Variants in PLCXD2 observed in about 807,000 individuals in gnomAD.
PLCXD2 encodes the protein PI-PLC X domain-containing protein 2.
Under a neutral mutation model 28.6 loss-of-function variants are expected in PLCXD2, and 21 were observed. The ratio of observed to expected loss-of-function variants is 0.73; its 90% CI spans 0.52 to 1.06. The LOEUF (loss-of-function observed/expected upper bound fraction) is 1.06, where lower values mean the gene tolerates loss of function less well. Ranked by LOEUF, PLCXD2 falls within the 50% of genes least tolerant of loss-of-function variation. The probability of loss-of-function intolerance (pLI) is 0.00; values close to 1 mark genes in which losing one functional copy is unlikely to be tolerated. For synonymous variants in PLCXD2, 140 were observed against 150.1 expected (o/e 0.93, Z 0.49); for missense variants, 369 against 376.7 (o/e 0.98, Z 0.17).
intron 1 of PLCXD2, among the ~76,000 whole-genome samples, chr3:111,706,304 T>C (rs1210357007): frequency 6.6e-6 from 1 of 152,256 alleles, no homozygotes; most frequent in East Asian, 1.9e-4. Flanking sequence ...TGTAAATATT[T>C]TCTCCCATTC....
At chr3:111,699,000 A>G (rs1224936317) in intron 1 of PLCXD2, among the ~76,000 whole-genome samples, 1 of 152,208 alleles carries the variant, frequency 6.6e-6, no homozygotes, top group Non-Finnish European at 1.5e-5. Context: ...AATGGTGTCA[A>G]TACACATGGG....
Position 111,675,381 on chromosome 3 carries a change from C to T in PLCXD2, c.136C>T (p.Leu46Phe), listed in dbSNP as rs1255180618. Reference sequence around the variant, plus strand: ...CTCGCTCCCCCCTCACCTCCACAACCTCCCCCTTTCCAATCTGGCAATCCC... The same window carrying T: ...CTCGCTCCCCCCTCACCTCCACAACTTCCCCCTTTCCAATCTGGCAATCCC... Residue 46 changes from leucine to phenylalanine, a missense_variant, in exon 1 of 5, where the codon CTC becomes TTC. Transcript: ENST00000477665. The T allele has an allele frequency of 2.5e-6, 4 of 1,614,172 alleles. No individual in the cohort carries two copies. The highest frequency in any genetic ancestry group is 1.1e-5 in the South Asian group (1 of 91,074).
chr3:111,715,741 G>T (rs983193066), intron 3 of PLCXD2, among the ~76,000 whole-genome samples: 2 of 152,152 alleles, frequency 1.3e-5, no homozygotes, highest in Non-Finnish European at 2.9e-5. Context: ...TAAAAGTCAA[G>T]AATACCTCTC....
At chr3:111,719,789 A>G (rs1042795149) in intron 3 of PLCXD2, among the ~76,000 whole-genome samples, 8 of 152,248 alleles carry the variant, frequency 5.3e-5, no homozygotes, top group Admixed American at 1.3e-4. Context: ...TTTCTGGAGT[A>G]CCAGTTATGT....
At chr3:111,675,882 G>A (rs75838470) in intron 1 of PLCXD2, among the ~76,000 whole-genome samples, 2,075 of 152,282 alleles carry the variant, frequency 0.014, 49 homozygotes, top group African/African-American at 0.047. Context: ...TAGAGAATAG[G>A]TTCAGAATCA....
intron 1 of PLCXD2, chr3:111,677,107 TC>T (rs1462627788): frequency 6.6e-6 from 1 of 152,078 alleles, no homozygotes; most frequent in Non-Finnish European, 1.5e-5. Flanking sequence ...TCATGCAAAT[TC>T]TTTCACCCTG....
intron 1 of PLCXD2, among the ~76,000 whole-genome samples, chr3:111,700,883 C>G (rs16858436): frequency 2.0e-5 from 3 of 151,874 alleles, no homozygotes; most frequent in African/African-American, 7.3e-5. Context: ...CAGGTTGCAG[C>G]GTGGCAGAAG....
intron 1 of PLCXD2, among the ~76,000 whole-genome samples, chr3:111,684,375 T>G (rs1043482427): frequency 4.7e-5 from 7 of 149,548 alleles, no homozygotes; most frequent in Non-Finnish European, 7.4e-5. Flanking sequence ...TACTTCAGGC[T>G]GGGCACAGTG....
chr3:111,712,974 C>T (rs577968999), intron 2 of PLCXD2, among the ~76,000 whole-genome samples: 1 of 152,324 alleles, frequency 6.6e-6, no homozygotes, highest in East Asian at 1.9e-4. Context: ...CCTGAGCGGT[C>T]CCTGTGGAGG....
chr3:111,724,111 C>T (rs748508130), intron 3 of PLCXD2: 14 of 151,972 alleles, frequency 9.2e-5, no homozygotes, highest in Non-Finnish European at 1.5e-4. Flanking sequence ...TTAGAGAGAC[C>T]ACCAGGATTT....
At chr3:111,717,969 C>G (rs1003894008) in intron 3 of PLCXD2, among the ~76,000 whole-genome samples, 1 of 149,296 alleles carries the variant, frequency 6.7e-6, no homozygotes, top group Admixed American at 6.7e-5. Flanking sequence ...ACCTCACACT[C>G]TTCCAGTTAT....
At position 111,708,221 on chromosome 3, in the gene PLCXD2, C is replaced by A. The variant is rs757421234; in HGVS notation, c.459C>A (p.His153Gln). The stretch of plus-strand genomic sequence containing the variant: ...AAATTGACTCGTTTCTTACACAGCA[C>A]CCCCAGGAGATTATCTTCCTGGATT... Residue 153 changes from histidine (H) to glutamine (Q), a missense_variant, in exon 2 of 5, where the codon CAC becomes CAA. Transcript: ENST00000477665. 1.7e-5 allele frequency: 27 copies of A among 1,614,102 alleles called. No individual in the cohort carries two copies. Among genetic ancestry groups the A allele is most frequent in the Non-Finnish European group, 2.3e-5 (27 of 1,180,016 alleles).
chr3:111,679,252 G>A (rs569039564), intron 1 of PLCXD2, among the ~76,000 whole-genome samples: 2 of 152,170 alleles, frequency 1.3e-5, no homozygotes, highest in Non-Finnish European at 2.9e-5. Context: ...AGGGATATGG[G>A]TTGAGGGTCA....
intron 3 of PLCXD2, chr3:111,721,832 T>TG (rs1271219259): frequency 6.6e-6 from 1 of 152,202 alleles, no homozygotes; most frequent in African/African-American, 2.4e-5. Context: ...GTCTGCACTG[T>TG]GGGACACAAC....
At chr3:111,706,812 C>CAA (rs34217304) in intron 1 of PLCXD2, among the ~76,000 whole-genome samples, 1,288 of 115,036 alleles carry the variant, frequency 0.011, 18 homozygotes, top group African/African-American at 0.035. Context: ...GACTTTAAGG[C>CAA]AAAAAAAAAA....
At chr3:111,692,627 GT>G (rs1940904997) in intron 1 of PLCXD2, 1 of 152,162 alleles carries the variant, frequency 6.6e-6, no homozygotes, top group South Asian at 2.1e-4. Context: ...CATTGACCCA[GT>G]TTTAGAAGTC....
intron 2 of PLCXD2, among the ~76,000 whole-genome samples, chr3:111,710,064 C>T (rs116568962): frequency 0.012 from 1,768 of 152,260 alleles, 34 homozygotes; most frequent in African/African-American, 0.04. Flanking sequence ...TATGAAAGAA[C>T]ATGAGGATTC....
intron 1 of PLCXD2, among the ~76,000 whole-genome samples, chr3:111,707,372 A>G (rs1308366327): frequency 6.6e-6 from 1 of 152,202 alleles, no homozygotes; most frequent in Non-Finnish European, 1.5e-5. Flanking sequence ...CTTTCCTAGA[A>G]TTTAAATCCC....
chr3:111,708,294 C>T lies in PLCXD2; in HGVS notation c.532C>T (p.Leu178=). ...TGAGACCCATCACAAATGCCTGGTT[C>T]TGCGGATCCAGGAGGCCTTTGGAAA... Residue 178 remains leucine, a synonymous_variant, in exon 2 of 5, where the codon CTG becomes TTG. Coordinates refer to ENST00000477665, the MANE Select transcript of PLCXD2 (RefSeq NM_001185106.1). 6.2e-7 allele frequency: 1 copy of T among 1,614,150 alleles called. No individual in the cohort carries two copies. Among genetic ancestry groups the T allele is most frequent in the Non-Finnish European group, 8.5e-7 (1 of 1,180,032 alleles).
Sources: allele counts gnomAD v4.1 joint callset (sites outside exome capture counted in the v4.1 genomes callset), GRCh38; gene constraint gnomAD v4.1.1; transcripts MANE v1.5; gene names NCBI Gene and HGNC (gene_info 2026-07-23, HGNC 2026-07-21).